EDIL3: variants seen among roughly 807,000 people sequenced by gnomAD.
EDIL3 encodes EGF like and discoidin domains 3, also known as EGF-like repeat and discoidin I-like domain-containing protein 3.
Under a neutral mutation model 67.4 loss-of-function variants are expected in EDIL3, and 37 were observed. That is an observed-to-expected ratio of 0.55 (90% CI 0.42 to 0.72). The LOEUF is 0.72. Among genes scored for constraint, EDIL3 ranks in the 30% least tolerant of loss-of-function variants. The pLI, the probability that EDIL3 is intolerant of heterozygous loss-of-function variation, is 0.00. For synonymous variants in EDIL3, 195 were observed against 196.3 expected, an observed-to-expected ratio of 0.99 and a Z score of 0.05; for missense variants, 527 against 586.3, an observed-to-expected ratio of 0.90 and a Z score of 1.04.
chr5:84,316,033 TA>T (rs1175566845), intron 1 of EDIL3, among the ~76,000 whole-genome samples: 6 of 151,990 alleles, frequency 3.9e-5, no homozygotes, highest in Non-Finnish European at 7.4e-5. Context: ...GAAGGAGAAA[TA>T]AAAGGCTTTA....
intron 9 of EDIL3, among the ~76,000 whole-genome samples, chr5:84,033,461 G>A (rs1179102409): frequency 6.6e-6 from 1 of 152,060 alleles, no homozygotes; most frequent in East Asian, 1.9e-4. Flanking sequence ...TGTAATCCCA[G>A]CATTTTGGGA....
At chr5:84,078,199 T>C (rs1333708833) in intron 6 of EDIL3, among the ~76,000 whole-genome samples, 2 of 152,126 alleles carry the variant, frequency 1.3e-5, no homozygotes, top group East Asian at 3.9e-4. Context: ...TCCACACACA[T>C]ATCTATTGTA....
intron 1 of EDIL3, among the ~76,000 whole-genome samples, chr5:84,351,231 G>A (rs1050980526): frequency 6.6e-6 from 1 of 152,036 alleles, no homozygotes; most frequent in Non-Finnish European, 1.5e-5. Context: ...TATCTATTTT[G>A]ACTCTTGGCA....
At chr5:84,191,922 T>C (rs1202787487) in intron 3 of EDIL3, among the ~76,000 whole-genome samples, 1 of 152,002 alleles carries the variant, frequency 6.6e-6, no homozygotes, top group Non-Finnish European at 1.5e-5. Flanking sequence ...ATAAGAATTT[T>C]AAAACTAAGA....
chr5:84,279,351 C>G (rs1421687661), intron 1 of EDIL3, among the ~76,000 whole-genome samples: 2 of 152,152 alleles, frequency 1.3e-5, no homozygotes, highest in African/African-American at 2.4e-5. Context: ...ATGCTAAAAA[C>G]TGTTTACTTA....
intron 2 of EDIL3, among the ~76,000 whole-genome samples, chr5:84,249,794 T>A (rs1457441706): frequency 6.6e-6 from 1 of 152,186 alleles, no homozygotes; most frequent in African/African-American, 2.4e-5. Context: ...ATTTATGAAC[T>A]GTATAATATA....
At chr5:84,074,865 C>A (rs1477407801) in intron 6 of EDIL3, among the ~76,000 whole-genome samples, 1 of 152,068 alleles carries the variant, frequency 6.6e-6, no homozygotes, top group South Asian at 2.1e-4. Flanking sequence ...GCCCAAAGGA[C>A]TATAAATCAT....
intron 9 of EDIL3, among the ~76,000 whole-genome samples, chr5:84,056,300 A>T (rs1289698915): frequency 7.3e-5 from 11 of 151,442 alleles, no homozygotes; most frequent in Non-Finnish European, 2.9e-5. Flanking sequence ...GAAGGGGTAC[A>T]TCATATACCG....
intron 9 of EDIL3, among the ~76,000 whole-genome samples, chr5:84,026,577 T>C (rs367828732): frequency 1.3e-4 from 20 of 152,292 alleles, no homozygotes; most frequent in Admixed American, 5.9e-4. Flanking sequence ...TAGGTCTAAC[T>C]TTTTTCAAAA....
chr5:84,369,028 C>T lies in EDIL3; in HGVS notation c.67+15280G>A, dbSNP rs1041868093. Among the ~76,000 whole-genome samples, 8 of 151,808 alleles carry T rather than the reference C, an allele frequency of 5.3e-5. No individual in the cohort carries two copies. In the South Asian group the frequency reaches 1.0e-3, roughly 20 times the overall value. On this transcript the variant is annotated intron_variant, in intron 1 of 10. Coordinates refer to ENST00000296591, the MANE Select transcript of EDIL3 (RefSeq NM_005711.5). ...GCACTCTTGGTGGGGATGTAGAATGCTATAGCTGCTGTGAAAAACACTATG... is the reference window on the plus strand; with the variant it reads ...GCACTCTTGGTGGGGATGTAGAATGTTATAGCTGCTGTGAAAAACACTATG...
intron 1 of EDIL3, among the ~76,000 whole-genome samples, chr5:84,311,750 T>C (rs1437917472): frequency 6.6e-6 from 1 of 151,928 alleles, no homozygotes; most frequent in Non-Finnish European, 1.5e-5. Context: ...GATTAGGGAG[T>C]GGTGATGACT....
At chr5:84,033,804 G>C (rs1745970902) in intron 9 of EDIL3, among the ~76,000 whole-genome samples, 1 of 151,966 alleles carries the variant, frequency 6.6e-6, no homozygotes, top group South Asian at 2.1e-4. Context: ...TTCTCTGTGA[G>C]CTGCCAGCTA....
intron 1 of EDIL3, among the ~76,000 whole-genome samples, chr5:84,298,339 A>G (rs1031963677): frequency 5.9e-5 from 9 of 152,172 alleles, no homozygotes; most frequent in Non-Finnish European, 1.2e-4. Flanking sequence ...AGAGCCACTG[A>G]TGAAGCTGGA....
intron 9 of EDIL3, among the ~76,000 whole-genome samples, chr5:84,057,627 T>C (rs1041932822): frequency 6.6e-6 from 1 of 152,190 alleles, no homozygotes; most frequent in African/African-American, 2.4e-5. Context: ...TTAGTTTCCT[T>C]ATTTAAAAAA....
chr5:84,060,086 A>T (rs966034820), intron 9 of EDIL3, among the ~76,000 whole-genome samples: 2 of 152,204 alleles, frequency 1.3e-5, no homozygotes, highest in African/African-American at 4.8e-5. Context: ...TCCTGCATCA[A>T]GCTTACACTA....
chr5:84,125,410 G>C lies in EDIL3; in HGVS notation c.469+11831C>G, dbSNP rs1359626160. Among the ~76,000 whole-genome samples the C allele has an allele frequency of 2.0e-5, 3 of 151,956 alleles. No homozygotes were observed. In the East Asian group the frequency reaches 5.8e-4, roughly 29 times the overall value. On this transcript the variant is annotated intron_variant, in intron 5 of 10. Transcript: ENST00000296591. ...TCATTTCTATTGTTTTAAAATTCCA[G>C]TTTGACACCTGGAAGTCTGCAAAAG...
At chr5:84,195,575 T>C (rs1743687974) in intron 3 of EDIL3, among the ~76,000 whole-genome samples, 1 of 151,988 alleles carries the variant, frequency 6.6e-6, no homozygotes, top group Non-Finnish European at 1.5e-5. Context: ...CACTTGGTAA[T>C]TTCCAAAGAA....
At chr5:84,197,291 C>T (rs1743730213) in intron 3 of EDIL3, among the ~76,000 whole-genome samples, 1 of 151,826 alleles carries the variant, frequency 6.6e-6, no homozygotes, top group Non-Finnish European at 1.5e-5. Context: ...AATGCCTAAT[C>T]CAATATTGGA....
chr5:84,078,039 A>G (rs1746894712), intron 6 of EDIL3, among the ~76,000 whole-genome samples: 1 of 152,208 alleles, frequency 6.6e-6, no homozygotes, highest in African/African-American at 2.4e-5. Context: ...ATATCAAATA[A>G]TATCAAGTAT....
Sources: gnomAD v4.1 joint callset for allele counts (sites outside exome capture counted in the v4.1 genomes callset) on GRCh38, gnomAD v4.1.1 for gene constraint, MANE v1.5 for transcripts, NCBI Gene and HGNC (gene_info 2026-07-23, HGNC 2026-07-21) for gene names.